NRXN3: variants seen among roughly 807,000 people sequenced by gnomAD.
NRXN3 encodes the protein neurexin III.
NRXN3 carries 32 observed loss-of-function variants against 137.6 expected under a neutral mutation model. The ratio of observed to expected loss-of-function variants is 0.23; its 90% CI spans 0.18 to 0.31. The LOEUF is 0.31. Ranked by LOEUF, NRXN3 falls within the 10% of genes least tolerant of loss-of-function variation. The probability of loss-of-function intolerance (pLI) is 1.00; values close to 1 mark genes in which losing one functional copy is unlikely to be tolerated. For synonymous variants in NRXN3, 798 were observed against 784.5 expected (o/e 1.02, Z -0.29); for missense variants, 1,574 against 2,062.5 (o/e 0.76, Z 4.59).
intron 10 of NRXN3, among the ~76,000 whole-genome samples, chr14:78,873,032 G>C (rs1291869253): frequency 6.6e-6 from 1 of 152,032 alleles, no homozygotes; most frequent in Non-Finnish European, 1.5e-5. Context: ...CCTTATATAG[G>C]CTTTTAGTCA....
rs532282530 is a variant in NRXN3, at chr14:78,198,238, G to A, written c.-704+27564G>A. On this transcript the variant is annotated intron_variant, in intron 1 of 20. Transcript: ENST00000335750. Reference sequence around the variant, plus strand: ...GAGAAGCTGCTCTTCGCATCATTCCGGATGAGTGAGCAGCTGCTTTGCTTT... The same window carrying A: ...GAGAAGCTGCTCTTCGCATCATTCCAGATGAGTGAGCAGCTGCTTTGCTTT... Among the ~76,000 whole-genome samples, 295 of 152,314 alleles carry A rather than the reference G, an allele frequency of 1.9e-3. 2 individuals are homozygous for A. The highest frequency in any genetic ancestry group is 6.4e-3 in the African/African-American group (267 of 41,570).
Position 79,827,074 on chromosome 14 carries a change from G to A in NRXN3, c.4093+21884G>A, listed in dbSNP as rs116396842. 4.4e-3 allele frequency among the ~76,000 whole-genome samples: 668 copies of A among 152,322 alleles called. 8 individuals are homozygous for A. Among genetic ancestry groups the A allele is most frequent in the African/African-American group, 0.015 (633 of 41,576 alleles). The stretch of plus-strand genomic sequence containing the variant: ...GAGCATTTACTGTGTGCTAAGCACT[G>A]AGGATGCAAGAGTAAGCAAGAACAG... On this transcript the variant is annotated intron_variant, in intron 20 of 20. Transcript: ENST00000335750.
chr14:78,436,539 G>T (rs1274100027), intron 4 of NRXN3, among the ~76,000 whole-genome samples: 1 of 152,190 alleles, frequency 6.6e-6, no homozygotes, highest in African/African-American at 2.4e-5. Flanking sequence ...CTGTCCAGTG[G>T]AAATTTCAGT....
rs34471708 is a variant in NRXN3 at position 79,462,492 on chromosome 14, G to GAT, written c.3263-4717_3263-4716dup. On this transcript the variant is annotated intron_variant, in intron 15 of 20. Transcript: ENST00000335750. ...GAATTATTTGAGGGAAGGCTATTTT[G>GAT]ATATATATATATACACACATATATG... 3.5e-3 allele frequency among the ~76,000 whole-genome samples: 450 copies of GAT among 128,784 alleles called. 4 individuals are homozygous for GAT. Among genetic ancestry groups the GAT allele is most frequent in the Middle Eastern group, 0.022 (5 of 228 alleles). The allele number at this position is 128,784 out of a possible 152,430, so 84.5% of individuals were successfully genotyped here.
At chr14:79,018,396 C>T (rs1357471270) in intron 15 of NRXN3, among the ~76,000 whole-genome samples, 1 of 151,752 alleles carries the variant, frequency 6.6e-6, no homozygotes, top group Non-Finnish European at 1.5e-5. Context: ...TTTTCTCTGA[C>T]CTCACTACTT....
rs916673465 is a variant in NRXN3 at position 78,640,723 on chromosome 14, T to C, written c.758-4397T>C. Among the ~76,000 whole-genome samples the C allele has an allele frequency of 5.3e-5, 8 of 152,230 alleles. No individual in the cohort carries two copies. The East Asian group carries it at 9.6e-4, about 18-fold the overall frequency. ...CAAACTGATTTAAAATCTTGAGTTATACATATCTAGATTGCATCTAGTGTT... is the reference window on the plus strand; with the variant it reads ...CAAACTGATTTAAAATCTTGAGTTACACATATCTAGATTGCATCTAGTGTT... On this transcript the variant is annotated intron_variant, in intron 4 of 20. Transcript: ENST00000335750.
chr14:79,558,794 C>A (rs1056928856), intron 16 of NRXN3, among the ~76,000 whole-genome samples: 1 of 152,116 alleles, frequency 6.6e-6, no homozygotes, highest in African/African-American at 2.4e-5. Context: ...AAGACTACAC[C>A]TTCGTCCAGC....
intron 8 of NRXN3, among the ~76,000 whole-genome samples, chr14:78,771,583 G>T (rs2098728159): frequency 6.6e-6 from 1 of 152,208 alleles, no homozygotes; most frequent in Admixed American, 6.5e-5. Context: ...AACTAAACAT[G>T]CTTTAGAGAG....
chr14:79,334,260 T>A (rs1203980293), intron 15 of NRXN3, among the ~76,000 whole-genome samples: 1 of 152,176 alleles, frequency 6.6e-6, no homozygotes, highest in Non-Finnish European at 1.5e-5. Flanking sequence ...AATGAGGTGC[T>A]ATAAAAAAAT....
At chr14:78,972,016 C>A (rs1313322144) in intron 14 of NRXN3, among the ~76,000 whole-genome samples, 1 of 152,142 alleles carries the variant, frequency 6.6e-6, no homozygotes, top group Non-Finnish European at 1.5e-5. Flanking sequence ...CTGATAGATG[C>A]AAAGTGTATA....
At chr14:79,309,960 G>T (rs1263848466) in intron 15 of NRXN3, among the ~76,000 whole-genome samples, 4 of 120,620 alleles carry the variant, frequency 3.3e-5, no homozygotes, top group Admixed American at 8.1e-5. Flanking sequence ...GTCAATTTTG[G>T]CTTTTGTTGC....
chr14:79,509,019 A>G (rs1338495365), intron 16 of NRXN3, among the ~76,000 whole-genome samples: 1 of 151,128 alleles, frequency 6.6e-6, no homozygotes, highest in East Asian at 2.0e-4. Context: ...ACATGGTGAA[A>G]CCCCGTCTCT....
intron 8 of NRXN3, among the ~76,000 whole-genome samples, chr14:78,801,628 G>T (rs1006178019): frequency 6.6e-6 from 1 of 152,192 alleles, no homozygotes; most frequent in African/African-American, 2.4e-5. Context: ...ATTACAATTT[G>T]AGATGAGATT....
intron 15 of NRXN3, among the ~76,000 whole-genome samples, chr14:79,423,540 T>C (rs2095612482): frequency 6.6e-6 from 1 of 152,196 alleles, no homozygotes. Context: ...AGTTACTGGT[T>C]GGAAACTTCA....
At chr14:78,833,335 T>G (rs1408963595) in intron 10 of NRXN3, among the ~76,000 whole-genome samples, 1 of 152,152 alleles carries the variant, frequency 6.6e-6, no homozygotes, top group East Asian at 1.9e-4. Context: ...CCAGGAAGCC[T>G]CCAAGATTTC....
intron 15 of NRXN3, among the ~76,000 whole-genome samples, chr14:79,189,305 T>C (rs4519276): frequency 0.3 from 45,277 of 149,232 alleles, 7,705 homozygotes; most frequent in Non-Finnish European, 0.39. Context: ...CCAAACACCA[T>C]GTATTCTCAC....
In NRXN3 at chr14:79,088,701, A is replaced by G. The variant is rs1468081506; in HGVS notation, c.3262+100560A>G. Reference sequence around the variant, plus strand: ...ACTAGTCATTTAAATGTAAACATATAAACACTTACTTTTTACTGTGTTGGC... The same window carrying G: ...ACTAGTCATTTAAATGTAAACATATGAACACTTACTTTTTACTGTGTTGGC... On this transcript the variant is annotated intron_variant, in intron 15 of 20. Coordinates refer to ENST00000335750, the MANE Select transcript of NRXN3 (RefSeq NM_001330195.2). Among the ~76,000 whole-genome samples, 3 of 152,218 alleles carry G rather than the reference A, an allele frequency of 2.0e-5. No homozygotes were observed. The East Asian group carries it at 5.8e-4, about 29-fold the overall frequency.
At chr14:79,691,013 G>T (rs568063190) in intron 17 of NRXN3, among the ~76,000 whole-genome samples, 1 of 152,144 alleles carries the variant, frequency 6.6e-6, no homozygotes, top group South Asian at 2.1e-4. Context: ...CAAAAGTAAT[G>T]AATTACAATT....
At chr14:79,417,951 A>G (rs557998243) in intron 15 of NRXN3, among the ~76,000 whole-genome samples, 16 of 145,764 alleles carry the variant, frequency 1.1e-4, no homozygotes, top group Non-Finnish European at 1.5e-4. Context: ...ACAGAAGCGT[A>G]GAGAATATAT....
Sources: gnomAD v4.1 joint callset for allele counts (sites outside exome capture counted in the v4.1 genomes callset) on GRCh38, gnomAD v4.1.1 for gene constraint, MANE v1.5 for transcripts, NCBI Gene and HGNC (gene_info 2026-07-23, HGNC 2026-07-21) for gene names.